Variants in GFRA1 observed in about 807,000 individuals in gnomAD.
GFRA1 encodes GDNF family receptor alpha-1.
GFRA1 carries 16 observed loss-of-function variants against 51.6 expected under a neutral mutation model. The ratio of observed to expected loss-of-function variants is 0.31; its 90% CI spans 0.21 to 0.47. The LOEUF is 0.47. Among genes scored for constraint, GFRA1 ranks in the 20% least tolerant of loss-of-function variants. GFRA1 has a pLI of 1.00. For missense variants in GFRA1, 530 were observed against 594.3 expected (o/e 0.89, Z 1.13); for synonymous variants, 270 against 241.3 (o/e 1.12, Z -1.10).
chr10:116,134,956 TG>T (rs1958261291), intron 5 of GFRA1, among the ~76,000 whole-genome samples: 1 of 151,996 alleles, frequency 6.6e-6, no homozygotes, highest in South Asian at 2.1e-4. Flanking sequence ...TCCCAGAAAA[TG>T]GGATCATTAC....
At chr10:116,088,200 T>C (rs760637777) in intron 9 of GFRA1, among the ~76,000 whole-genome samples, 17 of 152,074 alleles carry the variant, frequency 1.1e-4, no homozygotes, top group Non-Finnish European at 2.5e-4. Context: ...AACAAGTTTC[T>C]GAAACTTTCT....
intron 5 of GFRA1, among the ~76,000 whole-genome samples, chr10:116,131,811 C>G (rs1958113613): frequency 6.7e-6 from 1 of 150,004 alleles, no homozygotes; most frequent in South Asian, 2.1e-4. Context: ...GTAATGTTCT[C>G]TACCTTGATA....
intron 5 of GFRA1, among the ~76,000 whole-genome samples, chr10:116,158,910 T>C (rs766251919): frequency 1.3e-5 from 2 of 152,170 alleles, no homozygotes; most frequent in Non-Finnish European, 2.9e-5. Context: ...GCCATGCACA[T>C]GGTCCTCCCA....
intron 4 of GFRA1, among the ~76,000 whole-genome samples, chr10:116,223,909 G>A (rs772622833): frequency 2.4e-4 from 36 of 152,170 alleles, no homozygotes; most frequent in Non-Finnish European, 4.0e-4. Context: ...GCATCTTACA[G>A]AGCTTAAAAA....
At chr10:116,084,914 C>T (rs553572754) in intron 9 of GFRA1, among the ~76,000 whole-genome samples, 4 of 150,090 alleles carry the variant, frequency 2.7e-5, no homozygotes, top group African/African-American at 4.9e-5. Flanking sequence ...TCTTTGTTTT[C>T]CATATGACCA....
chr10:116,144,888 C>T (rs778959699), intron 5 of GFRA1, among the ~76,000 whole-genome samples: 3 of 152,024 alleles, frequency 2.0e-5, no homozygotes, highest in Non-Finnish European at 4.4e-5. Flanking sequence ...GTGGCACACA[C>T]TTGTAATCCC....
rs923195248 is a variant in GFRA1, at chr10:116,172,834, C to T, written c.433+38797G>A. On this transcript the variant is annotated intron_variant, in intron 5 of 10. Coordinates refer to ENST00000355422, the MANE Select transcript of GFRA1 (RefSeq NM_005264.8). ...CAGCACCTCACAGTGGGAGCAGACC[C>T]GCTGGCTCAGTTTGCACTTTGGAAC... is the stretch of plus-strand genomic sequence containing the variant. 3.3e-5 allele frequency among the ~76,000 whole-genome samples: 5 copies of T among 152,154 alleles called. No individual in the cohort carries two copies. In the East Asian group the frequency reaches 9.7e-4, roughly 29 times the overall value.
chr10:116,228,927 G>A (rs1273243153), intron 4 of GFRA1, among the ~76,000 whole-genome samples: 2 of 130,026 alleles, frequency 1.5e-5, no homozygotes, highest in East Asian at 5.2e-4. Context: ...GTTGCAGTGA[G>A]CCAAGATCGC....
Position 116,125,355 on chromosome 10 carries a change from G to A in GFRA1, c.636C>T (p.Leu212=), listed in dbSNP as rs80143981. 9 of 1,614,126 alleles carry A rather than the reference G, an allele frequency of 5.6e-6. No individual in the cohort carries two copies. The Middle Eastern group carries it at 4.9e-4, about 88-fold the overall frequency. The change falls in exon 6 of 11, where the codon CTC becomes CTT. Residue 212 remains leucine, a synonymous_variant. Transcript: ENST00000355422. ...AGGCGATGTCCCGGCAGGAGCAGAA[G>A]AGCATTCCGTAGCTGTGCTTGGCCG... ...KVPAKHSYGM[L]FCSCRDIACT...
chr10:116,238,365 C>G (rs181145304), intron 4 of GFRA1, among the ~76,000 whole-genome samples: 46 of 152,310 alleles, frequency 3.0e-4, no homozygotes, highest in Non-Finnish European at 4.9e-4. Flanking sequence ...ACTTTACCAT[C>G]TGCATTCAGC....
rs761709106 is a variant in GFRA1, at chr10:116,096,784, G to A, written c.771-20C>T. ...CGAGATCTACAATAGGAAAAAAGGG[G>A]TGGGGGGTGGAAATGTGCTTTAAAA... On this transcript the variant is annotated intron_variant, in intron 6 of 10. Transcript: ENST00000355422. 5.9e-6 allele frequency: 8 copies of A among 1,354,578 alleles called. No homozygotes were observed. In the South Asian group the frequency reaches 7.1e-5, roughly 12 times the overall value. 83.9% of individuals were successfully genotyped at this position (1,354,578 alleles called of 1,614,324 possible). A position where few individuals can be genotyped will look rare whatever the true frequency, so the allele number is the denominator to read the frequency against.
intron 5 of GFRA1, among the ~76,000 whole-genome samples, chr10:116,147,508 GCTAC>G (rs1958857994): frequency 1.3e-5 from 2 of 151,800 alleles, no homozygotes; most frequent in South Asian, 2.1e-4. Context: ...CACAGAAAGG[GCTAC>G]CTGTTTTATC....
At chr10:116,154,565 T>C (rs1362896435) in intron 5 of GFRA1, among the ~76,000 whole-genome samples, 1 of 152,176 alleles carries the variant, frequency 6.6e-6, no homozygotes, top group East Asian at 1.9e-4. Context: ...GGAAAGTGAC[T>C]AGAAGGAGTT....
At chr10:116,268,481 G>A (rs775232202) in intron 4 of GFRA1, among the ~76,000 whole-genome samples, 1 of 152,166 alleles carries the variant, frequency 6.6e-6, no homozygotes, top group South Asian at 2.1e-4. Context: ...GAACACAGTA[G>A]GTGCTCAATG....
At chr10:116,229,047 G>A (rs562978444) in intron 4 of GFRA1, among the ~76,000 whole-genome samples, 167 of 144,844 alleles carry the variant, frequency 1.2e-3, no homozygotes, top group Admixed American at 4.7e-3. Flanking sequence ...AAGGCAAGGA[G>A]ACAGATTCTC....
chr10:116,064,596 A>G (rs749529661), intron 10 of GFRA1, 52 bp from the exon 11 acceptor site: 1 of 1,518,546 alleles, frequency 6.6e-7, no homozygotes. Context: ...TCATTCTACC[A>G]CAGTATACTT....
chr10:116,076,069 C>T (rs1386586005), intron 9 of GFRA1, among the ~76,000 whole-genome samples: 6 of 151,978 alleles, frequency 3.9e-5, no homozygotes, highest in Admixed American at 1.3e-4. Flanking sequence ...AAGTGAGTGT[C>T]GGACTGGAGC....
At chr10:116,219,012 T>TA (rs913477050) in intron 4 of GFRA1, among the ~76,000 whole-genome samples, 51 of 145,690 alleles carry the variant, frequency 3.5e-4, no homozygotes, top group Non-Finnish European at 4.7e-4. Flanking sequence ...AAGAAAAAAA[T>TA]AAAAAAAAAA....
In GFRA1 at chr10:116,194,569, T is replaced by C. The variant is rs113254738; in HGVS notation, c.433+17062A>G. On this transcript the variant is annotated intron_variant, in intron 5 of 10. Coordinates refer to ENST00000355422, the MANE Select transcript of GFRA1 (RefSeq NM_005264.8). ...CTGAATGATTAAGTATTCTGGTTGATACAGAATTACCCTACATCTGTGGAT... is the reference window on the plus strand; with the variant it reads ...CTGAATGATTAAGTATTCTGGTTGACACAGAATTACCCTACATCTGTGGAT... 8.9e-3 allele frequency among the ~76,000 whole-genome samples: 1,362 copies of C among 152,300 alleles called. 26 individuals carry two copies. Among genetic ancestry groups the C allele is most frequent in the African/African-American group, 0.031 (1,305 of 41,558 alleles).
Sources: allele counts gnomAD v4.1 joint callset (sites outside exome capture counted in the v4.1 genomes callset), GRCh38; gene constraint gnomAD v4.1.1; transcripts MANE v1.5; gene names NCBI Gene and HGNC (gene_info 2026-07-23, HGNC 2026-07-21).